The following EGFR variants were observed in gnomAD, a reference collection of about 807,000 sequenced individuals.
EGFR encodes avian erythroblastic leukemia viral (v-erb-b) oncogene homolog.
EGFR carries 58 observed loss-of-function variants against 143.0 expected under a neutral mutation model. The ratio of observed to expected loss-of-function variants is 0.41; its 90% CI spans 0.33 to 0.50. EGFR has a LOEUF of 0.50. Ranked by LOEUF, EGFR falls within the 20% of genes least tolerant of loss-of-function variation. The pLI is 0.39. For synonymous variants in EGFR, 613 were observed against 594.4 expected, an observed-to-expected ratio of 1.03 and a Z score of -0.45; for missense variants, 1,307 against 1,579.0, an observed-to-expected ratio of 0.83 and a Z score of 2.92.
intron 1 of EGFR, among the ~76,000 whole-genome samples, chr7:55,037,710 T>C (rs545615040): frequency 6.6e-6 from 1 of 152,232 alleles, no homozygotes; most frequent in African/African-American, 2.4e-5. Context: ...AAAATCCTAA[T>C]AGTTGAAGAG....
intron 1 of EGFR, among the ~76,000 whole-genome samples, chr7:55,032,084 C>A (rs1787282336): frequency 6.6e-6 from 1 of 152,142 alleles, no homozygotes; most frequent in African/African-American, 2.4e-5. Context: ...GTTGAGAGAA[C>A]CTCTAGGTAC....
intron 11 of EGFR, among the ~76,000 whole-genome samples, chr7:55,159,567 A>G (rs2128940927): frequency 6.6e-6 from 1 of 152,330 alleles, no homozygotes; most frequent in East Asian, 1.9e-4. Context: ...AGACCTGGTC[A>G]GAGGCCCCTG....
At chr7:55,155,787 T>C (rs1039614808) in intron 7 of EGFR, 43 bp from the exon 8 acceptor site, 2 of 1,557,936 alleles carry the variant, frequency 1.3e-6, no homozygotes, top group Middle Eastern at 1.7e-4. Context: ...CCCGAGCACC[T>C]GGTGCCACCG....
At chr7:55,103,390 T>C (rs1791933973) in intron 1 of EGFR, among the ~76,000 whole-genome samples, 1 of 152,260 alleles carries the variant, frequency 6.6e-6, no homozygotes, top group Non-Finnish European at 1.5e-5. Flanking sequence ...ATTGCAGAAG[T>C]GCATAACCAT....
chr7:55,192,140 C>T (rs1453400233), intron 21 of EGFR, among the ~76,000 whole-genome samples: 3 of 152,166 alleles, frequency 2.0e-5, no homozygotes, highest in African/African-American at 7.2e-5. Flanking sequence ...GTTTCAGTCT[C>T]TCCCTGCAGG....
intron 1 of EGFR, among the ~76,000 whole-genome samples, chr7:55,058,552 T>G (rs537473993): frequency 8.2e-4 from 125 of 152,302 alleles, no homozygotes; most frequent in Non-Finnish European, 1.6e-3. Flanking sequence ...ATCATGTCCT[T>G]TGCGGGGACA....
At chr7:55,159,669 G>A (rs558733469) in intron 11 of EGFR, among the ~76,000 whole-genome samples, 4 of 152,284 alleles carry the variant, frequency 2.6e-5, no homozygotes, top group South Asian at 2.1e-4. Context: ...CAGATCAAGC[G>A]TCCTGGAGAG....
chr7:55,197,038 C>A (rs1787649073), intron 22 of EGFR, among the ~76,000 whole-genome samples: 1 of 152,056 alleles, frequency 6.6e-6, no homozygotes, highest in African/African-American at 2.4e-5. Context: ...TTTTCTAGTT[C>A]TGTGAAGAAT....
At chr7:55,041,035 CTG>C (rs1562661429) in intron 1 of EGFR, among the ~76,000 whole-genome samples, 1 of 152,240 alleles carries the variant, frequency 6.6e-6, no homozygotes, top group African/African-American at 2.4e-5. Context: ...GTAGAGGACT[CTG>C]TAAATTTAAT....
chr7:55,170,728 A>T (rs951949201), intron 15 of EGFR: 5 of 1,491,194 alleles, frequency 3.4e-6, no homozygotes, highest in Non-Finnish European at 3.5e-6. Context: ...TCGCTGCCAG[A>T]TGATTGTTCA....
At chr7:55,174,855 C>T (rs2128954980) in intron 19 of EGFR, 35 bp downstream of exon 19, 1 of 1,556,676 alleles carries the variant, frequency 6.4e-7, no homozygotes, top group Non-Finnish European at 8.9e-7. Context: ...GGGTCCATGG[C>T]TCTGAACCTC....
At chr7:55,123,873 G>A (rs533579778) in intron 1 of EGFR, among the ~76,000 whole-genome samples, 3 of 126,814 alleles carry the variant, frequency 2.4e-5, no homozygotes, top group South Asian at 5.3e-4. Flanking sequence ...ATGCATGCAC[G>A]TGTGTAAATG....
At chr7:55,088,630 C>T (rs1215720847) in intron 1 of EGFR, among the ~76,000 whole-genome samples, 2 of 152,166 alleles carry the variant, frequency 1.3e-5, no homozygotes, top group Non-Finnish European at 2.9e-5. Context: ...CGACCTTTCC[C>T]GTCATTTGGC....
At position 55,170,575 on chromosome 7, in the gene EGFR, G is replaced by A. The variant is rs10228436; in HGVS notation, c.1881-600G>A. ...ATGCCTTCACGTGTCTGTTCCCCCC[G>A]CTTTTCCTTTCTGCCACCCCTGCAC... is the stretch of plus-strand genomic sequence containing the variant. On this transcript the variant is annotated intron_variant, in intron 15 of 27. Transcript: ENST00000275493. 559,579 of 1,610,342 alleles carry A rather than the reference G, an allele frequency of 0.35. 100,669 individuals carry two copies. The highest frequency in any genetic ancestry group is 0.6 in the East Asian group (26,799 of 44,858).
chr7:55,107,689 G>T (rs948419416), intron 1 of EGFR, among the ~76,000 whole-genome samples: 26 of 152,176 alleles, frequency 1.7e-4, no homozygotes, highest in African/African-American at 4.3e-4. Context: ...AAATTCTCAA[G>T]GCCACAGATT....
chr7:55,210,524 A>G lies in EGFR; in HGVS notation c.*4907A>G, dbSNP rs1341012820. 1.3e-5 allele frequency: 2 copies of G among 152,168 alleles called. No individual in the cohort carries two copies. The highest frequency in any genetic ancestry group is 2.9e-5 in the Non-Finnish European group (2 of 68,044). 9.4% of individuals were successfully genotyped at this position (152,168 alleles called of 1,614,324 possible). A position where few individuals can be genotyped will look rare whatever the true frequency, so the allele number is the denominator to read the frequency against. On this transcript the variant is annotated 3_prime_UTR_variant, in exon 28 of 28. Coordinates refer to ENST00000275493, the MANE Select transcript of EGFR (RefSeq NM_005228.5). ...CTGAGGTCATTCCAATGTGCGGCCA[A>G]AGTTGAGAACTACTGGCCTAGGGAT...
intron 11 of EGFR, among the ~76,000 whole-genome samples, chr7:55,159,621 C>T (rs976232805): frequency 3.9e-5 from 6 of 152,152 alleles, no homozygotes; most frequent in South Asian, 2.1e-4. Context: ...CTCTTCACAC[C>T]GGCTCAAAAT....
chr7:55,172,229 C>T (rs772630614), intron 16 of EGFR, among the ~76,000 whole-genome samples: 1 of 152,220 alleles, frequency 6.6e-6, no homozygotes, highest in Non-Finnish European at 1.5e-5. Context: ...CCCGCCCTTA[C>T]TCTTGTGGCG....
chr7:55,165,802 A>T (rs1242228211), intron 15 of EGFR, among the ~76,000 whole-genome samples: 1 of 152,262 alleles, frequency 6.6e-6, no homozygotes, highest in Non-Finnish European at 1.5e-5. Flanking sequence ...TTTGCAATGA[A>T]TAAAAGGTAA....
Sources: allele counts gnomAD v4.1 joint callset (sites outside exome capture counted in the v4.1 genomes callset), GRCh38; gene constraint gnomAD v4.1.1; transcripts MANE v1.5; gene names NCBI Gene and HGNC (gene_info 2026-07-23, HGNC 2026-07-21).